The following DYM variants were observed in gnomAD, a reference collection of about 807,000 sequenced individuals.
DYM encodes the protein dymeclin.
In DYM, 78 loss-of-function variants were observed where a neutral mutation model predicts 93.1. That is an observed-to-expected ratio of 0.84 (90% CI 0.70 to 1.01). DYM has a LOEUF of 1.01. DYM is among the 50% of genes least tolerant of loss of function. DYM has a pLI of 0.00. For synonymous variants in DYM, 321 were observed against 319.7 expected (o/e 1.00, Z -0.04); for missense variants, 789 against 845.0 (o/e 0.93, Z 0.82).
Position 49,333,711 on chromosome 18 carries a change from T to G in DYM, c.620+17A>C. 6.2e-7 allele frequency: 1 copy of G among 1,613,228 alleles called. No homozygotes were observed. Among genetic ancestry groups the G allele is most frequent in the Non-Finnish European group, 8.5e-7 (1 of 1,179,398 alleles). ...TATACAATGAAAAAACTAGACATAC[T>G]TAAAGTAGAAACATACCATGGACCT... On this transcript the variant is annotated intron_variant, in intron 7 of 17. Coordinates refer to ENST00000675505, the MANE Select transcript of DYM (RefSeq NM_001353214.3).
intron 8 of DYM, chr18:49,329,767 ATGCT>A (rs2063180601): frequency 6.6e-6 from 1 of 152,268 alleles, no homozygotes; most frequent in African/African-American, 2.4e-5. Flanking sequence ...ATGAAAAGAA[ATGCT>A]TGCTATATCC....
At chr18:49,152,462 A>G (rs9951872) in intron 15 of DYM, among the ~76,000 whole-genome samples, 114,385 of 152,030 alleles carry the variant, frequency 0.75, 43,920 homozygotes, top group Non-Finnish European at 0.84. Flanking sequence ...GGCTTTTCAT[A>G]AGGAAAAAAG....
chr18:49,092,863 G>A (rs1023569023), intron 17 of DYM, among the ~76,000 whole-genome samples: 17 of 152,164 alleles, frequency 1.1e-4, no homozygotes, highest in African/African-American at 3.9e-4. Flanking sequence ...TTCCACCAGA[G>A]AGCCTGGGCT....
At chr18:49,437,720 T>C (rs1045610439) in intron 1 of DYM, among the ~76,000 whole-genome samples, 8 of 152,330 alleles carry the variant, frequency 5.3e-5, no homozygotes, top group Non-Finnish European at 8.8e-5. Context: ...ACAGCCACCA[T>C]TGTTTAATCA....
intron 16 of DYM, among the ~76,000 whole-genome samples, chr18:49,110,660 T>C (rs1599825788): frequency 6.6e-6 from 1 of 152,274 alleles, no homozygotes; most frequent in African/African-American, 2.4e-5. Flanking sequence ...GATTTTCAGA[T>C]GTTTAAATAT....
intron 2 of DYM, among the ~76,000 whole-genome samples, chr18:49,416,262 T>C (rs1344132582): frequency 4.6e-5 from 7 of 152,310 alleles, no homozygotes; most frequent in Admixed American, 2.0e-4. Flanking sequence ...ATTATTTCCA[T>C]TTTACAAAAG....
In DYM at chr18:49,068,751, G is replaced by A. The variant is rs1599498483; in HGVS notation, c.2026-24547C>T. Among the ~76,000 whole-genome samples, 3 of 152,136 alleles carry A rather than the reference G, an allele frequency of 2.0e-5. No individual in the cohort carries two copies. In the South Asian group the frequency reaches 6.2e-4, roughly 31 times the overall value. On this transcript the variant is annotated intron_variant, in intron 17 of 17. Coordinates refer to ENST00000675505, the MANE Select transcript of DYM (RefSeq NM_001353214.3). ...CCTCTCTCAGCAGAATAAAAGAGTG[G>A]AAATCTAAAAGAAGGAAACAGCTTC...
intron 13 of DYM, 21 bp downstream of exon 13, chr18:49,256,989 T>C (rs1163712274): frequency 1.3e-6 from 2 of 1,590,102 alleles, no homozygotes; most frequent in Non-Finnish European, 1.7e-6. Context: ...AATCAGTATT[T>C]CTTTTAAAGT....
chr18:49,348,946 G>A (rs1333857296), intron 6 of DYM, among the ~76,000 whole-genome samples: 3 of 147,060 alleles, frequency 2.0e-5, no homozygotes, highest in African/African-American at 7.5e-5. Context: ...AGTGGCTCAC[G>A]CCTATAATCT....
intron 17 of DYM, among the ~76,000 whole-genome samples, chr18:49,076,701 C>T (rs2077338804): frequency 6.6e-6 from 1 of 152,218 alleles, no homozygotes; most frequent in South Asian, 2.1e-4. Context: ...GAACAGACTG[C>T]TGCTGTCAGC....
chr18:49,417,561 A>G (rs536062861), intron 2 of DYM, among the ~76,000 whole-genome samples: 144 of 152,058 alleles, frequency 9.5e-4, no homozygotes, highest in Non-Finnish European at 1.1e-3. Flanking sequence ...ATGCCCCCCC[A>G]TTAAAAAGAG....
At chr18:49,280,049 T>C (rs536729075) in intron 10 of DYM, among the ~76,000 whole-genome samples, 1 of 152,358 alleles carries the variant, frequency 6.6e-6, no homozygotes, top group East Asian at 1.9e-4. Context: ...GTCAGCCAGC[T>C]ACTGGCTATT....
chr18:49,227,755 T>C (rs2144303144), intron 13 of DYM, among the ~76,000 whole-genome samples: 1 of 152,252 alleles, frequency 6.6e-6, no homozygotes, highest in East Asian at 1.9e-4. Flanking sequence ...ACCACTCTAA[T>C]TGAAGTATCA....
intron 15 of DYM, among the ~76,000 whole-genome samples, chr18:49,132,355 CAACTT>C (rs1173558065): frequency 6.6e-6 from 1 of 151,860 alleles, no homozygotes; most frequent in Non-Finnish European, 1.5e-5. Flanking sequence ...TTTACATTGA[CAACTT>C]AAATAAAGGA....
chr18:49,444,944 T>C lies in DYM; in HGVS notation c.-53-14497A>G, dbSNP rs546779682. Among the ~76,000 whole-genome samples, 128 of 152,296 alleles carry C rather than the reference T, an allele frequency of 8.4e-4. 1 individual carries two copies. Among genetic ancestry groups the C allele is most frequent in the South Asian group, 8.3e-4 (4 of 4,828 alleles). On this transcript the variant is annotated intron_variant, in intron 1 of 17. Transcript: ENST00000675505. ...GCATTAATAGGTGGTTAATGCTGCA[T>C]CTATAATCAATTTTGATGATAGAGA...
intron 15 of DYM, among the ~76,000 whole-genome samples, chr18:49,143,026 T>A (rs1285931265): frequency 6.6e-6 from 1 of 152,352 alleles, no homozygotes; most frequent in Admixed American, 6.5e-5. Context: ...TTTCCATTCC[T>A]GAACAATGAT....
intron 15 of DYM, among the ~76,000 whole-genome samples, chr18:49,147,982 G>A (rs2085351974): frequency 1.3e-5 from 2 of 152,138 alleles, no homozygotes; most frequent in South Asian, 4.1e-4. Context: ...AGAAAATGTG[G>A]CACATATACA....
intron 8 of DYM, among the ~76,000 whole-genome samples, chr18:49,297,034 T>C (rs954113412): frequency 6.6e-6 from 1 of 152,190 alleles, no homozygotes; most frequent in Non-Finnish European, 1.5e-5. Context: ...AGGATGTTTT[T>C]AAAGTGTACA....
intron 2 of DYM, among the ~76,000 whole-genome samples, chr18:49,395,971 TA>T (rs2070019464): frequency 6.6e-6 from 1 of 152,104 alleles, no homozygotes; most frequent in African/African-American, 2.4e-5. Context: ...CAGAAGTGGG[TA>T]ACTTCTCACT....
Sources: allele counts gnomAD v4.1 joint callset (sites outside exome capture counted in the v4.1 genomes callset), GRCh38; gene constraint gnomAD v4.1.1; transcripts MANE v1.5; gene names NCBI Gene and HGNC (gene_info 2026-07-23, HGNC 2026-07-21).